The following KLKB1 variants were observed in gnomAD, a reference collection of about 807,000 sequenced individuals.
KLKB1 encodes the protein kallikrein B1, also known as plasma kallikrein.
In KLKB1, 58 loss-of-function variants were observed where a neutral mutation model predicts 73.6. That is an observed-to-expected ratio of 0.79 (90% CI 0.64 to 0.98). KLKB1 has a LOEUF of 0.98. Among genes scored for constraint, KLKB1 ranks in the 50% least tolerant of loss-of-function variants. The pLI, the probability that KLKB1 is intolerant of heterozygous loss-of-function variation, is 0.00. For missense variants in KLKB1, 737 were observed against 763.8 expected (o/e 0.96, Z 0.41); for synonymous variants, 280 against 258.1 (o/e 1.08, Z -0.81).
At chr4:186,250,979 C>T (rs749875908) in intron 7 of KLKB1, 25 of 507,398 alleles carry the variant, frequency 4.9e-5, no homozygotes, top group Non-Finnish European at 8.0e-5. Context: ...GGAACTTCAT[C>T]ATTGTCCTCT....
intron 6 of KLKB1, among the ~76,000 whole-genome samples, chr4:186,246,297 T>C (rs986581758): frequency 1.3e-5 from 2 of 151,220 alleles, no homozygotes; most frequent in African/African-American, 4.9e-5. Context: ...ACACTTGGGG[T>C]TGGGATTGAG....
intron 2 of KLKB1, 59 bp from the exon 3 acceptor site, chr4:186,232,068 C>A (rs1296456189): frequency 7.1e-7 from 1 of 1,403,734 alleles, no homozygotes; most frequent in Non-Finnish European, 9.8e-7. Context: ...CAACAGATAT[C>A]TTTTTATTAA....
intron 12 of KLKB1, among the ~76,000 whole-genome samples, chr4:186,254,989 A>G (rs1738916488): frequency 2.0e-5 from 3 of 152,164 alleles, no homozygotes; most frequent in Admixed American, 2.0e-4. Context: ...GAGGGATACA[A>G]CTGCATGCAG....
At chr4:186,228,315 C>T (rs960544407) in intron 2 of KLKB1, 62 bp downstream of exon 2, 1 of 1,030,098 alleles carries the variant, frequency 9.7e-7, no homozygotes, top group Non-Finnish European at 1.5e-6. Context: ...AAGCAAGTGG[C>T]ACCACCCCTG....
At chr4:186,249,504 C>T (rs2137146) in intron 6 of KLKB1, among the ~76,000 whole-genome samples, 1 of 152,156 alleles carries the variant, frequency 6.6e-6, no homozygotes, top group Non-Finnish European at 1.5e-5. Context: ...TACACACAGT[C>T]TTGATTACCA....
rs1408128599 is a variant in KLKB1, at chr4:186,227,552, A to T, written c.-37A>T. On this transcript the variant is annotated 5_prime_UTR_variant, in exon 1 of 15. Coordinates refer to ENST00000264690, the MANE Select transcript of KLKB1 (RefSeq NM_000892.5). ...TGAAGACCGTTCATTTTTAAGTGAC[A>T]AGAGACTCACCTCCAAGAAGCAATT... 6.6e-6 allele frequency: 1 copy of T among 152,340 alleles called. No homozygotes were observed. Among genetic ancestry groups the T allele is most frequent in the Non-Finnish European group, 1.5e-5 (1 of 68,164 alleles). The allele number at this position is 152,340 out of a possible 1,614,324, so 9.4% of individuals were successfully genotyped here. A position where few individuals can be genotyped will look rare whatever the true frequency, so the allele number is the denominator to read the frequency against.
At chr4:186,216,174 G>A (rs186287155) in intron 2 of KLKB1, among the ~76,000 whole-genome samples, 22 of 152,284 alleles carry the variant, frequency 1.4e-4, no homozygotes, top group East Asian at 1.4e-3. Flanking sequence ...CCACAACTGC[G>A]GGGAAAGCAA....
chr4:186,211,709 A>T (rs970293881), intron 2 of KLKB1: 1 of 152,108 alleles, frequency 6.6e-6, no homozygotes, highest in Non-Finnish European at 1.5e-5. Context: ...ACACACATAT[A>T]ATTTGAAAGA....
At chr4:186,224,535 A>G (rs190456283), upstream of KLKB1, among the ~76,000 whole-genome samples, 222 of 152,296 alleles carry the variant, frequency 1.5e-3, 2 homozygotes, top group African/African-American at 4.9e-3. Flanking sequence ...CTTCCCTGCT[A>G]GGTTTTGCAT....
chr4:186,232,546 TTTTC>T (rs1269920090), intron 3 of KLKB1, among the ~76,000 whole-genome samples: 1 of 152,182 alleles, frequency 6.6e-6, no homozygotes, highest in East Asian at 1.9e-4. Context: ...AAGCTAGTCA[TTTTC>T]TATTCAAAGC....
At chr4:186,235,862 T>A (rs1737638476) in intron 4 of KLKB1, among the ~76,000 whole-genome samples, 1 of 151,870 alleles carries the variant, frequency 6.6e-6, no homozygotes, top group Non-Finnish European at 1.5e-5. Context: ...ACGCCTGTAA[T>A]CCCAGCACTT....
At chr4:186,255,661 A>C (rs4253321) in intron 12 of KLKB1, among the ~76,000 whole-genome samples, 20,330 of 152,314 alleles carry the variant, frequency 0.13, 1,603 homozygotes, top group Middle Eastern at 0.21. Flanking sequence ...AAAGCACTTC[A>C]TGTCTGGAAC....
chr4:186,213,774 C>G (rs1181929784), intron 2 of KLKB1, among the ~76,000 whole-genome samples: 1 of 152,106 alleles, frequency 6.6e-6, no homozygotes, highest in African/African-American at 2.4e-5. Context: ...AGATGCTGGT[C>G]GTAAAAATCC....
chr4:186,253,704 A>G (rs2126675105), intron 11 of KLKB1, among the ~76,000 whole-genome samples: 1 of 152,304 alleles, frequency 6.6e-6, no homozygotes, highest in Middle Eastern at 3.4e-3. Flanking sequence ...AGATTTCCAG[A>G]TCTTTGCACA....
chr4:186,224,547 T>C (rs948383075), upstream of KLKB1, among the ~76,000 whole-genome samples: 12 of 152,364 alleles, frequency 7.9e-5, no homozygotes, highest in East Asian at 1.5e-3. Context: ...GTTTTGCATA[T>C]GCTTGGGACC....
intron 4 of KLKB1, 42 bp downstream of exon 4, chr4:186,234,100 A>T: frequency 6.9e-7 from 1 of 1,442,160 alleles, no homozygotes; most frequent in South Asian, 1.1e-5. Flanking sequence ...TTAATATTGG[A>T]TCTCGCTTAG....
At chr4:186,245,790 CTAATT>C (rs540993376) in intron 6 of KLKB1, among the ~76,000 whole-genome samples, 1 of 115,792 alleles carries the variant, frequency 8.6e-6, no homozygotes, top group African/African-American at 2.9e-5. Context: ...GGGCTGGAAT[CTAATT>C]TTTGGAGTTT....
intron 6 of KLKB1, among the ~76,000 whole-genome samples, chr4:186,245,530 C>A (rs1027491681): frequency 6.6e-6 from 1 of 152,154 alleles, no homozygotes; most frequent in Non-Finnish European, 1.5e-5. Flanking sequence ...TCCCAGGCTG[C>A]GGGCATTCCT....
chr4:186,225,085 C>T (rs1386758362), upstream of KLKB1, among the ~76,000 whole-genome samples: 1 of 152,168 alleles, frequency 6.6e-6, no homozygotes, highest in Non-Finnish European at 1.5e-5. Flanking sequence ...TTCCTGAGGC[C>T]TCCCCAGCCA....
Sources: allele counts gnomAD v4.1 joint callset (sites outside exome capture counted in the v4.1 genomes callset), GRCh38; gene constraint gnomAD v4.1.1; transcripts MANE v1.5; gene names NCBI Gene and HGNC (gene_info 2026-07-23, HGNC 2026-07-21).